Variants in ZNF341 observed in about 807,000 individuals in gnomAD.
ZNF341 encodes zinc finger protein 341.
ZNF341 carries 52 observed loss-of-function variants against 87.7 expected under a neutral mutation model. That is an observed-to-expected ratio of 0.59 (90% CI 0.47 to 0.75). The LOEUF is 0.75. Ranked by LOEUF, ZNF341 falls within the 30% of genes least tolerant of loss-of-function variation. The probability of loss-of-function intolerance (pLI) is 0.00; values close to 1 mark genes in which losing one functional copy is unlikely to be tolerated. For missense variants in ZNF341, 977 were observed against 1,145.9 expected, an observed-to-expected ratio of 0.85 and a Z score of 2.13; for synonymous variants, 459 against 472.7, an observed-to-expected ratio of 0.97 and a Z score of 0.38.
At chr20:33,761,522 C>G (rs1260558773) in intron 7 of ZNF341, among the ~76,000 whole-genome samples, 1 of 152,188 alleles carries the variant, frequency 6.6e-6, no homozygotes, top group Non-Finnish European at 1.5e-5. Flanking sequence ...CCTTGGCCTC[C>G]CAAAGTGCTG....
chr20:33,768,754 A>G (rs984139917), intron 9 of ZNF341, among the ~76,000 whole-genome samples: 1 of 152,180 alleles, frequency 6.6e-6, no homozygotes, highest in African/African-American at 2.4e-5. Context: ...GTATGTTGCT[A>G]TTCTGAGCAA....
At chr20:33,757,127 C>T in intron 5 of ZNF341, 21 bp from the exon 6 acceptor site, 1 of 1,380,610 alleles carries the variant, frequency 7.2e-7, no homozygotes, top group Non-Finnish European at 9.5e-7. Flanking sequence ...GGCTTTTTCC[C>T]TGACTGTGTT....
chr20:33,745,032 G>A, intron 2 of ZNF341, 71 bp from the exon 3 acceptor site: 1 of 1,431,566 alleles, frequency 7.0e-7, no homozygotes, highest in Non-Finnish European at 9.7e-7. Context: ...CCTTGACATA[G>A]TCTTGCTTTT....
chr20:33,783,775 A>G lies in ZNF341; in HGVS notation c.1763A>G (p.His588Arg), dbSNP rs2019790753. The change falls in exon 12 of 15, where the codon CAC becomes CGC. Residue 588 changes from histidine to arginine, a missense_variant. By Grantham distance (29) the His-to-Arg change is conservative. Around this residue, in one of 3 missense-constraint regions of ZNF341, gnomAD observed 241 missense variants for 335.0 expected, o/e 0.72. Transcript: ENST00000375200. The stretch of plus-strand genomic sequence containing the variant: ...TACCTGCGGCGTCATCTGCCCACCC[A>G]CGGCAGCGGGGGCAGGTTCAAGTGC... ...ERYLRRHLPT[H>R]GSGGRFKCQV... 6.2e-7 allele frequency: 1 copy of G among 1,613,644 alleles called. No individual in the cohort carries two copies. The highest frequency in any genetic ancestry group is 8.5e-7 in the Non-Finnish European group (1 of 1,179,830).
intron 5 of ZNF341, among the ~76,000 whole-genome samples, chr20:33,756,528 G>A (rs2019183077): frequency 6.6e-6 from 1 of 151,918 alleles, no homozygotes; most frequent in Non-Finnish European, 1.5e-5. Context: ...CACCATGCCT[G>A]ACTTAATTTT....
At chr20:33,781,548 A>C (rs6088301) in intron 11 of ZNF341, among the ~76,000 whole-genome samples, 161 bp downstream of exon 11, 48,849 of 151,962 alleles carry the variant, frequency 0.32, 8,113 homozygotes, top group Admixed American at 0.39. Context: ...CTGCCTGGCC[A>C]TCTCATCCAT....
At chr20:33,790,775 G>A (rs545106321) in intron 14 of ZNF341, among the ~76,000 whole-genome samples, 5 of 152,192 alleles carry the variant, frequency 3.3e-5, no homozygotes, top group Admixed American at 6.5e-5. Flanking sequence ...GTACAAAGGC[G>A]CAGAGGGAGG....
chr20:33,754,547 C>A (rs759335412), intron 5 of ZNF341, among the ~76,000 whole-genome samples: 3 of 152,132 alleles, frequency 2.0e-5, no homozygotes, highest in Non-Finnish European at 4.4e-5. Context: ...ATTTGCCCTA[C>A]CCTGGGAGAA....
At chr20:33,753,044 C>T in intron 4 of ZNF341, 128 bp from the exon 5 acceptor site, 1 of 1,336,626 alleles carries the variant, frequency 7.5e-7, no homozygotes, top group South Asian at 1.3e-5. Flanking sequence ...CTCTCTTAGC[C>T]CCTCTCCTGA....
rs544745166 is a variant in ZNF341, at chr20:33,751,746, T to C, written c.490-1426T>C. ...TGCACCACTATGCCTGGCTAATGTTTTTGTATTTTTAGTAGAGATGGGGTT... is the reference window on the plus strand; with the variant it reads ...TGCACCACTATGCCTGGCTAATGTTCTTGTATTTTTAGTAGAGATGGGGTT... On this transcript the variant is annotated intron_variant, in intron 4 of 14. Coordinates refer to ENST00000375200, the MANE Select transcript of ZNF341 (RefSeq NM_001282933.2). 2.3e-3 allele frequency among the ~76,000 whole-genome samples: 343 copies of C among 152,094 alleles called. 1 individual carries two copies. The highest frequency in any genetic ancestry group is 7.9e-3 in the African/African-American group (326 of 41,476).
chr20:33,774,034 C>A lies in ZNF341; in HGVS notation c.1622+3742C>A, dbSNP rs2019577300. On this transcript the variant is annotated intron_variant, in intron 10 of 14. Transcript: ENST00000375200. ...GTGGCTCACTCTTGTAATCCCAGCACTTTGGGAGTCCGAGGAGGGCAGATC... is the reference window on the plus strand; with the variant it reads ...GTGGCTCACTCTTGTAATCCCAGCAATTTGGGAGTCCGAGGAGGGCAGATC... Among the ~76,000 whole-genome samples the A allele has an allele frequency of 3.3e-5, 5 of 150,568 alleles. No individual in the cohort carries two copies. In the South Asian group the frequency reaches 1.0e-3, roughly 31 times the overall value.
intron 10 of ZNF341, among the ~76,000 whole-genome samples, chr20:33,771,525 C>T (rs892745351): frequency 2.0e-5 from 3 of 151,870 alleles, no homozygotes; most frequent in African/African-American, 7.3e-5. Context: ...GGATTACAGG[C>T]GTGAGCCACT....
rs149386377 is a variant in ZNF341 at position 33,766,069 on chromosome 20, G to C, written c.1223-782G>C. ...AGATAATTTTTTTGTATTTTTGGTAGAGACGGGGTTTCACCATGTTGGCCA... is the reference window on the plus strand; with the variant it reads ...AGATAATTTTTTTGTATTTTTGGTACAGACGGGGTTTCACCATGTTGGCCA... On this transcript the variant is annotated intron_variant, in intron 8 of 14. Transcript: ENST00000375200. Among the ~76,000 whole-genome samples, 341 of 152,198 alleles carry C rather than the reference G, an allele frequency of 2.2e-3. 1 individual carries two copies. The highest frequency in any genetic ancestry group is 7.7e-3 in the African/African-American group (320 of 41,532).
chr20:33,769,402 C>T (rs1036727580), intron 9 of ZNF341, among the ~76,000 whole-genome samples: 6 of 30,862 alleles, frequency 1.9e-4, no homozygotes, highest in Non-Finnish European at 4.2e-4. Flanking sequence ...GGAGGGGTGG[C>T]GGGGGCACAG....
chr20:33,779,640 A>G (rs2019700816), intron 10 of ZNF341, among the ~76,000 whole-genome samples: 1 of 152,014 alleles, frequency 6.6e-6, no homozygotes. Context: ...TAGTAGAGAC[A>G]GGGTTTCACC....
intron 4 of ZNF341, among the ~76,000 whole-genome samples, chr20:33,750,456 T>C (rs1056786558): frequency 6.6e-6 from 1 of 152,086 alleles, no homozygotes; most frequent in Non-Finnish European, 1.5e-5. Flanking sequence ...TATGAAATGC[T>C]GATCAGCATC....
intron 8 of ZNF341, among the ~76,000 whole-genome samples, chr20:33,764,563 T>TATATATATA (rs2019365740): frequency 2.0e-4 from 10 of 48,836 alleles, no homozygotes; most frequent in African/African-American, 1.1e-3. Flanking sequence ...ATATATATAT[T>TATATATATA]TTTTTTTTTT....
At chr20:33,748,866 G>GCA in intron 3 of ZNF341, 57 bp from the exon 4 acceptor site, 7 of 1,532,898 alleles carry the variant, frequency 4.6e-6, no homozygotes, top group South Asian at 1.2e-5. Context: ...GCACACATGA[G>GCA]CACACACACA....
intron 12 of ZNF341, among the ~76,000 whole-genome samples, chr20:33,785,285 A>C (rs2019830345): frequency 6.6e-6 from 1 of 152,170 alleles, no homozygotes; most frequent in African/African-American, 2.4e-5. Context: ...GATGTATTGC[A>C]ACAAAAGTTT....
Sources: gnomAD v4.1 joint callset for allele counts (sites outside exome capture counted in the v4.1 genomes callset) on GRCh38, gnomAD v4.1.1 for gene constraint, gnomAD v4.1.1 regional missense constraint, MANE v1.5 for transcripts, NCBI Gene and HGNC (gene_info 2026-07-23, HGNC 2026-07-21) for gene names.